The following COL22A1 variants were observed in gnomAD, a reference collection of about 807,000 sequenced individuals.
The protein encoded by COL22A1 is collagen alpha-1(XXII) chain.
COL22A1 carries 221 observed loss-of-function variants against 248.9 expected under a neutral mutation model. The observed-to-expected ratio is 0.89, with a 90% CI of 0.80 to 0.99. The LOEUF is 0.99. COL22A1 is among the 50% of genes least tolerant of loss of function. The pLI is 0.00. For synonymous variants in COL22A1, 891 were observed against 793.4 expected, an observed-to-expected ratio of 1.12 and a Z score of -2.07; for missense variants, 2,240 against 2,179.0, an observed-to-expected ratio of 1.03 and a Z score of -0.56.
At chr8:138,735,071 G>C (rs7357589) in intron 23 of COL22A1, among the ~76,000 whole-genome samples, 8,854 of 152,204 alleles carry the variant, frequency 0.058, 829 homozygotes, top group African/African-American at 0.2. Context: ...ATGCATGTGG[G>C]ACTTAAAACC....
intron 26 of COL22A1, among the ~76,000 whole-genome samples, chr8:138,721,079 G>A (rs998629857): frequency 6.6e-6 from 1 of 152,084 alleles, no homozygotes; most frequent in African/African-American, 2.4e-5. Context: ...TTGCATAAGT[G>A]TTTCTAAGAA....
chr8:138,626,338 A>C, intron 50 of COL22A1, 95 bp from the exon 51 acceptor site: 1 of 990,204 alleles, frequency 1.0e-6, no homozygotes, highest in Admixed American at 2.0e-5. Context: ...GGGTTGGGGG[A>C]GTGAGTGTTT....
intron 35 of COL22A1, 58 bp from the exon 36 acceptor site, chr8:138,690,932 C>A (rs1027851833): frequency 1.4e-6 from 2 of 1,412,016 alleles, no homozygotes; most frequent in East Asian, 2.4e-5. Context: ...TAGTTGCCCC[C>A]ACTCTCTCTG....
At chr8:138,837,482 C>T (rs547596822) in intron 4 of COL22A1, among the ~76,000 whole-genome samples, 3 of 152,352 alleles carry the variant, frequency 2.0e-5, no homozygotes, top group African/African-American at 7.2e-5. Context: ...ACCTCAATGC[C>T]CCAGAGGCTG....
intron 43 of COL22A1, 105 bp from the exon 44 acceptor site, chr8:138,660,585 TG>T: frequency 2.0e-6 from 2 of 995,380 alleles, no homozygotes; most frequent in East Asian, 2.5e-5. Context: ...TGTAACTCAG[TG>T]GGGAAAAAAA....
At chr8:138,844,245 C>T in intron 3 of COL22A1, 87 bp from the exon 4 acceptor site, 1 of 1,248,054 alleles carries the variant, frequency 8.0e-7, no homozygotes, top group Non-Finnish European at 1.2e-6. Flanking sequence ...AAGACCCCAC[C>T]CTGCCTTGCA....
At chr8:138,622,750 T>C (rs2131951864) in intron 52 of COL22A1, among the ~76,000 whole-genome samples, 1 of 152,264 alleles carries the variant, frequency 6.6e-6, no homozygotes, top group South Asian at 2.1e-4. Flanking sequence ...GCTTTTCTAC[T>C]TCACAATCTA....
intron 41 of COL22A1, among the ~76,000 whole-genome samples, chr8:138,672,173 G>T (rs1469163734): frequency 6.6e-6 from 1 of 152,166 alleles, no homozygotes; most frequent in Non-Finnish European, 1.5e-5. Context: ...TCCTAACGGT[G>T]ACTTCAGGGA....
chr8:138,729,677 C>A (rs2131202563), intron 23 of COL22A1, among the ~76,000 whole-genome samples: 1 of 152,270 alleles, frequency 6.6e-6, no homozygotes, highest in Non-Finnish European at 1.5e-5. Flanking sequence ...CTCACAAGTC[C>A]AAGTGGGAAA....
At chr8:138,682,184 G>A (rs918552825) in intron 39 of COL22A1, among the ~76,000 whole-genome samples, 7 of 152,136 alleles carry the variant, frequency 4.6e-5, no homozygotes, top group African/African-American at 1.7e-4. Context: ...TTGGAGAATG[G>A]TTTCTGGGGC....
At chr8:138,849,737 C>G (rs962016258) in intron 3 of COL22A1, among the ~76,000 whole-genome samples, 1 of 152,190 alleles carries the variant, frequency 6.6e-6, no homozygotes, top group Non-Finnish European at 1.5e-5. Flanking sequence ...GATTCATTGG[C>G]TTATGCAACG....
intron 3 of COL22A1, among the ~76,000 whole-genome samples, chr8:138,863,437 C>T (rs537519560): frequency 2.0e-5 from 3 of 152,192 alleles, no homozygotes; most frequent in Non-Finnish European, 4.4e-5. Flanking sequence ...GAGCTGACTT[C>T]CAGCCTGGGA....
intron 44 of COL22A1, among the ~76,000 whole-genome samples, chr8:138,656,807 T>C (rs1823310699): frequency 6.6e-6 from 1 of 152,176 alleles, no homozygotes. Flanking sequence ...GGTGGTAGAC[T>C]TAACAACTAA....
chr8:138,866,307 G>A (rs770618269), intron 3 of COL22A1, among the ~76,000 whole-genome samples: 5 of 152,144 alleles, frequency 3.3e-5, no homozygotes, highest in Admixed American at 2.0e-4. Context: ...CCAGGATAAG[G>A]TTAGCTACAG....
intron 11 of COL22A1, among the ~76,000 whole-genome samples, chr8:138,799,012 C>G (rs1816783589): frequency 6.6e-6 from 1 of 152,112 alleles, no homozygotes; most frequent in Non-Finnish European, 1.5e-5. Flanking sequence ...CTCCAATAAT[C>G]TGTCTATTTT....
At chr8:138,666,272 G>C (rs1375534852) in intron 41 of COL22A1, among the ~76,000 whole-genome samples, 1 of 152,136 alleles carries the variant, frequency 6.6e-6, no homozygotes, top group African/African-American at 2.4e-5. Flanking sequence ...TCTGGCTAGG[G>C]AAACAGAGAT....
chr8:138,767,332 G>A (rs565801689), intron 16 of COL22A1, among the ~76,000 whole-genome samples: 1 of 152,286 alleles, frequency 6.6e-6, no homozygotes, highest in South Asian at 2.1e-4. Context: ...GAGGAGGGAA[G>A]GGACAGGTGC....
At chr8:138,697,202 G>A (rs1049498044) in intron 32 of COL22A1, among the ~76,000 whole-genome samples, 3 of 152,158 alleles carry the variant, frequency 2.0e-5, no homozygotes, top group Non-Finnish European at 4.4e-5. Flanking sequence ...TGTTGAATGT[G>A]TAAGTTTGGC....
chr8:138,716,370 C>T (rs978845549), intron 28 of COL22A1, 81 bp from the exon 29 acceptor site: 2 of 951,842 alleles, frequency 2.1e-6, no homozygotes, highest in African/African-American at 3.3e-5. Context: ...CTCTCAGTTC[C>T]TGCTCTCCAG....
Sources: gnomAD v4.1 joint callset for allele counts (sites outside exome capture counted in the v4.1 genomes callset) on GRCh38, gnomAD v4.1.1 for gene constraint, MANE v1.5 for transcripts, NCBI Gene and HGNC (gene_info 2026-07-23, HGNC 2026-07-21) for gene names.